The following NKAIN2 variants were observed in gnomAD, a reference collection of about 807,000 sequenced individuals.
NKAIN2 encodes sodium/potassium transporting ATPase interacting 2, also known as sodium/potassium-transporting ATPase subunit beta-1-interacting protein 2.
Under a neutral mutation model 32.6 loss-of-function variants are expected in NKAIN2, and 14 were observed. The ratio of observed to expected loss-of-function variants is 0.43; its 90% CI spans 0.28 to 0.67. NKAIN2 has a LOEUF of 0.67. Ranked by LOEUF, NKAIN2 falls within the 30% of genes least tolerant of loss-of-function variation. The pLI is 0.17. For synonymous variants in NKAIN2, 80 were observed against 87.2 expected (o/e 0.92, Z 0.46); for missense variants, 198 against 258.3 (o/e 0.77, Z 1.60).
intron 2 of NKAIN2, among the ~76,000 whole-genome samples, chr6:124,333,365 A>C (rs1443711662): frequency 6.6e-6 from 1 of 152,154 alleles, no homozygotes; most frequent in Non-Finnish European, 1.5e-5. Context: ...TAGGGAATAA[A>C]AAATAAATGA....
intron 4 of NKAIN2, among the ~76,000 whole-genome samples, chr6:124,744,682 G>A (rs1454472027): frequency 6.6e-6 from 1 of 151,620 alleles, no homozygotes; most frequent in Non-Finnish European, 1.5e-5. Context: ...TGCGTATTTG[G>A]GGTCGTACAT....
chr6:124,115,627 G>A (rs1299820849), intron 1 of NKAIN2, among the ~76,000 whole-genome samples: 1 of 152,040 alleles, frequency 6.6e-6, no homozygotes, highest in East Asian at 1.9e-4. Flanking sequence ...TGATAGCACT[G>A]CTTAATCAGC....
intron 5 of NKAIN2, among the ~76,000 whole-genome samples, chr6:124,802,495 G>A (rs944558890): frequency 1.3e-5 from 2 of 152,156 alleles, no homozygotes; most frequent in African/African-American, 2.4e-5. Flanking sequence ...GATGAAGTTG[G>A]CTTAGTTATT....
At chr6:124,267,782 A>T (rs1042847056) in intron 1 of NKAIN2, among the ~76,000 whole-genome samples, 1 of 152,102 alleles carries the variant, frequency 6.6e-6, no homozygotes, top group Non-Finnish European at 1.5e-5. Flanking sequence ...AGAATTAAGG[A>T]CTCATTTGTG....
chr6:124,276,570 TA>T lies in NKAIN2; in HGVS notation c.55-6431del, dbSNP rs1289809527. 1.4e-4 allele frequency among the ~76,000 whole-genome samples: 21 copies of T among 152,264 alleles called. 1 individual carries two copies. The South Asian group carries it at 2.7e-3, about 20-fold the overall frequency. On this transcript the variant is annotated intron_variant, in intron 1 of 6. Transcript: ENST00000368417. ...TAGTATATCTCTTGCATATAATGTT[TA>T]AAAGCCAGCACATATGTTCTCATTG...
intron 1 of NKAIN2, among the ~76,000 whole-genome samples, chr6:124,123,594 A>G (rs371462834): frequency 6.6e-6 from 1 of 152,130 alleles, no homozygotes. Context: ...GATTTGTATC[A>G]GTCATCTAGT....
intron 1 of NKAIN2, among the ~76,000 whole-genome samples, chr6:124,070,039 T>G (rs1783369955): frequency 6.6e-6 from 1 of 152,180 alleles, no homozygotes; most frequent in African/African-American, 2.4e-5. Context: ...ACCTTATTAA[T>G]TAGTCTCTAC....
At chr6:124,007,423 C>A (rs1377649213) in intron 1 of NKAIN2, among the ~76,000 whole-genome samples, 1 of 152,110 alleles carries the variant, frequency 6.6e-6, no homozygotes, top group Non-Finnish European at 1.5e-5. Flanking sequence ...AAAGCAACAC[C>A]CATCCTAAAT....
At chr6:123,824,257 A>G (rs565791548) in intron 1 of NKAIN2, among the ~76,000 whole-genome samples, 11 of 152,166 alleles carry the variant, frequency 7.2e-5, no homozygotes, top group African/African-American at 2.6e-4. Context: ...GCACCCTACC[A>G]ATAATCACCA....
chr6:124,160,512 T>C (rs997902916), intron 1 of NKAIN2, among the ~76,000 whole-genome samples: 19 of 152,272 alleles, frequency 1.2e-4, no homozygotes, highest in African/African-American at 4.6e-4. Context: ...CTTGCAAAAA[T>C]ATTTCTAAAT....
intron 1 of NKAIN2, among the ~76,000 whole-genome samples, chr6:123,827,458 A>T (rs954999840): frequency 6.6e-6 from 1 of 152,178 alleles, no homozygotes; most frequent in Non-Finnish European, 1.5e-5. Context: ...TGAAAACAAT[A>T]AAGTTCAAAT....
At chr6:124,409,077 C>A (rs1481569201) in intron 3 of NKAIN2, among the ~76,000 whole-genome samples, 1 of 152,148 alleles carries the variant, frequency 6.6e-6, no homozygotes, top group African/African-American at 2.4e-5. Context: ...TGCCTATCAG[C>A]TTAAGGAGAT....
At chr6:124,594,789 G>A (rs1446561135) in intron 3 of NKAIN2, among the ~76,000 whole-genome samples, 1 of 152,002 alleles carries the variant, frequency 6.6e-6, no homozygotes, top group Non-Finnish European at 1.5e-5. Flanking sequence ...AGGAGAGGAG[G>A]GAAATAACTG....
chr6:123,920,135 A>G (rs1775682776), intron 1 of NKAIN2, among the ~76,000 whole-genome samples: 1 of 152,150 alleles, frequency 6.6e-6, no homozygotes, highest in South Asian at 2.1e-4. Context: ...AATAAAATTT[A>G]TGTAAGTACT....
chr6:124,352,720 G>A (rs541798905), intron 2 of NKAIN2, among the ~76,000 whole-genome samples: 1 of 152,258 alleles, frequency 6.6e-6, no homozygotes, highest in East Asian at 1.9e-4. Flanking sequence ...ATTATAATCA[G>A]TCATGCGTTT....
intron 1 of NKAIN2, among the ~76,000 whole-genome samples, chr6:123,963,243 A>G (rs1347206243): frequency 6.6e-6 from 1 of 152,134 alleles, no homozygotes; most frequent in African/African-American, 2.4e-5. Flanking sequence ...GCAATTTTTA[A>G]TGTTTTTGGA....
At chr6:123,897,147 A>C (rs1385198004) in intron 1 of NKAIN2, among the ~76,000 whole-genome samples, 1 of 152,178 alleles carries the variant, frequency 6.6e-6, no homozygotes, top group African/African-American at 2.4e-5. Context: ...ATTAGAGTGA[A>C]CTTCCTATTG....
chr6:124,083,245 G>A (rs1176852316), intron 1 of NKAIN2, among the ~76,000 whole-genome samples: 1 of 151,776 alleles, frequency 6.6e-6, no homozygotes, highest in Non-Finnish European at 1.5e-5. Context: ...ATACTCATCT[G>A]TAAAATGGGA....
At chr6:124,616,491 T>G (rs1782905213) in intron 3 of NKAIN2, among the ~76,000 whole-genome samples, 2 of 85,580 alleles carry the variant, frequency 2.3e-5, no homozygotes, top group Non-Finnish European at 4.4e-5. Context: ...TTTTTTTTTT[T>G]GTGAGCTCTG....
Sources: gnomAD v4.1 joint callset for allele counts (sites outside exome capture counted in the v4.1 genomes callset) on GRCh38, gnomAD v4.1.1 for gene constraint, MANE v1.5 for transcripts, NCBI Gene and HGNC (gene_info 2026-07-23, HGNC 2026-07-21) for gene names.